Variants in SFSWAP observed in about 807,000 individuals in gnomAD.
The protein encoded by SFSWAP is splicing factor SWAP.
In SFSWAP, 17 loss-of-function variants were observed where a neutral mutation model predicts 100.7. The ratio of observed to expected loss-of-function variants is 0.17; its 90% CI spans 0.12 to 0.25. The LOEUF (loss-of-function observed/expected upper bound fraction) is 0.25. Ranked by LOEUF, SFSWAP falls within the 10% of genes least tolerant of loss-of-function variation. The probability of loss-of-function intolerance (pLI) is 1.00; values close to 1 mark genes in which losing one functional copy is unlikely to be tolerated. For synonymous variants in SFSWAP, 504 were observed against 510.1 expected (o/e 0.99, Z 0.16); for missense variants, 1,005 against 1,262.6 (o/e 0.80, Z 3.09).
chr12:131,787,584 A>C (rs1412412964), intron 15 of SFSWAP, among the ~76,000 whole-genome samples: 1 of 152,182 alleles, frequency 6.6e-6, no homozygotes, highest in African/African-American at 2.4e-5. Flanking sequence ...TGCACATCGT[A>C]GCCTTGAGCT....
Position 131,756,628 on chromosome 12 carries a change from C to T in SFSWAP, c.1704C>T (p.Asp568=), listed in dbSNP as rs142790794. 1.1e-5 allele frequency: 18 copies of T among 1,596,380 alleles called. No individual in the cohort carries two copies. The highest frequency in any genetic ancestry group is 9.5e-5 in the African/African-American group (7 of 74,030). ...CATCGTCCAGTAAGACCGTCCCGGA[C>T]GGGAAGCTGGTGAAAGGTATGCTGC... is the stretch of plus-strand genomic sequence containing the variant. ...KEASSSKTVP[D]GKLVKASFAP... Residue 568 remains aspartate (D), a synonymous_variant, in exon 11 of 18, where the codon GAC becomes GAT. Coordinates refer to ENST00000261674, the MANE Select transcript of SFSWAP (RefSeq NM_004592.4).
At chr12:131,768,167 T>C (rs1295828668) in intron 13 of SFSWAP, among the ~76,000 whole-genome samples, 1 of 152,238 alleles carries the variant, frequency 6.6e-6, no homozygotes, top group Non-Finnish European at 1.5e-5. Context: ...GGCCTTCTCC[T>C]GGGAAACACA....
chr12:131,788,352 A>G (rs1055407169), intron 15 of SFSWAP, among the ~76,000 whole-genome samples: 9 of 152,210 alleles, frequency 5.9e-5, no homozygotes, highest in African/African-American at 2.2e-4. Context: ...TGCCGTGCCC[A>G]GACAGACGGA....
chr12:131,754,952 A>G (rs1187067990), intron 9 of SFSWAP, among the ~76,000 whole-genome samples: 1 of 152,090 alleles, frequency 6.6e-6, no homozygotes, highest in East Asian at 1.9e-4. Context: ...AGATAAATAC[A>G]TTTTTTAATT....
chr12:131,721,890 T>C (rs1878506650), intron 4 of SFSWAP, among the ~76,000 whole-genome samples: 2 of 152,272 alleles, frequency 1.3e-5, no homozygotes, highest in Admixed American at 1.3e-4. Flanking sequence ...GTCTCTCATT[T>C]GCGTCTTTCA....
chr12:131,761,862 C>T (rs564228408), intron 11 of SFSWAP, among the ~76,000 whole-genome samples: 1 of 152,280 alleles, frequency 6.6e-6, no homozygotes, highest in Admixed American at 6.5e-5. Flanking sequence ...AGTGTCCATC[C>T]TGTGGAGCTG....
intron 11 of SFSWAP, among the ~76,000 whole-genome samples, chr12:131,760,115 T>C (rs866096777): frequency 6.6e-6 from 1 of 152,154 alleles, no homozygotes; most frequent in South Asian, 2.1e-4. Flanking sequence ...ACTAGAAAAG[T>C]AGAAAAATAT....
At chr12:131,797,103 C>G (rs1391147876) in intron 15 of SFSWAP, 75 bp from the exon 16 acceptor site, 1 of 1,391,734 alleles carries the variant, frequency 7.2e-7, no homozygotes, top group Non-Finnish European at 9.8e-7. Context: ...AAAACTGGCT[C>G]AGATCCGAGC....
At position 131,711,561 on chromosome 12, in the gene SFSWAP, G is replaced by A; in HGVS notation, c.218+114G>A. The A allele has an allele frequency of 1.2e-6, 1 of 866,668 alleles. No homozygotes were observed. Among genetic ancestry groups the A allele is most frequent in the Non-Finnish European group, 1.8e-6 (1 of 553,056 alleles). 53.7% of individuals were successfully genotyped at this position (866,668 alleles called of 1,614,324 possible). ...AGTTTTCTGGAGCCAGCGGGGATCT[G>A]GGGGACACCCCCTCCCCTGTCCCCA... On this transcript the variant is annotated intron_variant, in intron 1 of 17. Transcript: ENST00000261674. This position sits in a 1 kb window ranked among gnomAD's most constrained non-coding sequence, Gnocchi z 4.9.
At chr12:131,764,920 A>G (rs1280338610) in intron 12 of SFSWAP, among the ~76,000 whole-genome samples, 1 of 152,246 alleles carries the variant, frequency 6.6e-6, no homozygotes, top group African/African-American at 2.4e-5. Context: ...TTTTCGAAGA[A>G]ACTGAGTTGG....
chr12:131,759,726 C>T (rs575257254), intron 11 of SFSWAP, among the ~76,000 whole-genome samples: 62 of 151,308 alleles, frequency 4.1e-4, no homozygotes, highest in Admixed American at 1.2e-3. Flanking sequence ...GGCGTGAACC[C>T]GGGAGGCGGA....
intron 7 of SFSWAP, among the ~76,000 whole-genome samples, chr12:131,737,733 G>A (rs1880169472): frequency 6.6e-6 from 1 of 151,886 alleles, no homozygotes; most frequent in Admixed American, 6.6e-5. Flanking sequence ...ACTTCCTACT[G>A]ATGGAGATTT....
rs544326661 is a variant in SFSWAP, at chr12:131,791,734, T to A, written c.2534+5146T>A. 7.2e-5 allele frequency among the ~76,000 whole-genome samples: 11 copies of A among 152,330 alleles called. No individual in the cohort carries two copies. In the South Asian group the frequency reaches 2.3e-3, roughly 32 times the overall value. ...GTTCCAGCCCGCGACAGTGCAAGAC[T>A]CCGTCTCAAAAAACAAAAAGAAAGA... On this transcript the variant is annotated intron_variant, in intron 15 of 17. Coordinates refer to ENST00000261674, the MANE Select transcript of SFSWAP (RefSeq NM_004592.4).
At chr12:131,775,634 G>C (rs1883961275) in intron 13 of SFSWAP, among the ~76,000 whole-genome samples, 1 of 152,176 alleles carries the variant, frequency 6.6e-6, no homozygotes, top group Non-Finnish European at 1.5e-5. Flanking sequence ...TTGAGCCTCT[G>C]AAGTTGTAAA....
chr12:131,712,510 GC>G (rs1352216128), intron 1 of SFSWAP: 1 of 152,134 alleles, frequency 6.6e-6, no homozygotes, highest in Non-Finnish European at 1.5e-5. Context: ...CGTGAAGAAA[GC>G]CCATCGTTTG....
rs1246816382 is a variant in SFSWAP at position 131,756,538 on chromosome 12, G to A, written c.1614G>A (p.Glu538=). ...CCGAGAAGCCAAGTGATGCTGGGGA[G>A]GATGGCGCGCCTGAAGACGCAGCCG... ...SAPEKPSDAG[E]DGAPEDAAEV... Residue 538 remains glutamate, a synonymous_variant, in exon 11 of 18, where the codon GAG becomes GAA. Coordinates refer to ENST00000261674, the MANE Select transcript of SFSWAP (RefSeq NM_004592.4). The A allele has an allele frequency of 6.2e-7, 1 of 1,613,956 alleles. No homozygotes were observed. The highest frequency in any genetic ancestry group is 8.5e-7 in the Non-Finnish European group (1 of 1,180,002).
chr12:131,758,539 G>A (rs1882386027), intron 11 of SFSWAP, among the ~76,000 whole-genome samples: 1 of 152,114 alleles, frequency 6.6e-6, no homozygotes, highest in Non-Finnish European at 1.5e-5. Context: ...GGGCATCTCT[G>A]AAACAGACTC....
rs890056483 is a variant in SFSWAP, at chr12:131,725,710, T to C, written c.832+80T>C. ...GCAGGCTGGGTGGTTCTGGGAAAAG[T>C]GTGAAGATACACATTCTTACAGATG... On this transcript the variant is annotated intron_variant, in intron 5 of 17. Coordinates refer to ENST00000261674, the MANE Select transcript of SFSWAP (RefSeq NM_004592.4). The surrounding 1 kb of genome is among the most constrained non-coding windows in gnomAD (Gnocchi z 4.3). The C allele has an allele frequency of 4.2e-5, 43 of 1,028,728 alleles. No homozygotes were observed. Among genetic ancestry groups the C allele is most frequent in the Non-Finnish European group, 6.4e-5 (43 of 674,128 alleles). The allele number at this position is 1,028,728 out of a possible 1,614,324, so 63.7% of individuals were successfully genotyped here.
At chr12:131,724,667 G>A (rs1482428934) in intron 4 of SFSWAP, among the ~76,000 whole-genome samples, 1 of 152,238 alleles carries the variant, frequency 6.6e-6, no homozygotes, top group African/African-American at 2.4e-5. Flanking sequence ...CCATTTGTGG[G>A]CAGGAAATGC....
Sources: gnomAD v4.1 joint callset for allele counts (sites outside exome capture counted in the v4.1 genomes callset) on GRCh38, gnomAD v4.1.1 for gene constraint, Gnocchi (gnomAD v3.1) non-coding constraint, MANE v1.5 for transcripts, NCBI Gene and HGNC (gene_info 2026-07-23, HGNC 2026-07-21) for gene names.